Variants in USP15 observed in about 807,000 individuals in gnomAD.
USP15 encodes the protein ubiquitin carboxyl-terminal hydrolase 15.
USP15 carries 18 observed loss-of-function variants against 127.1 expected under a neutral mutation model. The ratio of observed to expected loss-of-function variants is 0.14; its 90% CI spans 0.10 to 0.21. The LOEUF is 0.21. USP15 is among the 10% of genes least tolerant of loss of function. The pLI, the probability that USP15 is intolerant of heterozygous loss-of-function variation, is 1.00. For synonymous variants in USP15, 364 were observed against 393.7 expected (o/e 0.92, Z 0.89); for missense variants, 805 against 1,159.9 (o/e 0.69, Z 4.44).
At chr12:62,347,523 C>A (rs994471660) in intron 6 of USP15, among the ~76,000 whole-genome samples, 8 of 151,752 alleles carry the variant, frequency 5.3e-5, no homozygotes, top group Non-Finnish European at 1.2e-4. Context: ...AAAAATTAAC[C>A]TCCTTAATTT....
intron 5 of USP15, among the ~76,000 whole-genome samples, chr12:62,321,922 GTTCT>G (rs1349325204): frequency 6.6e-6 from 1 of 152,168 alleles, no homozygotes; most frequent in African/African-American, 2.4e-5. Context: ...TATTTACACA[GTTCT>G]TTATTACAAA....
At position 62,382,197 on chromosome 12, in the gene USP15, C is replaced by T. The variant is rs1273278797; in HGVS notation, c.1089+534C>T. Among the ~76,000 whole-genome samples, 7 of 151,956 alleles carry T rather than the reference C, an allele frequency of 4.6e-5. No individual in the cohort carries two copies. In the East Asian group the frequency reaches 9.7e-4, roughly 21 times the overall value. On this transcript the variant is annotated intron_variant, in intron 9 of 21. Coordinates refer to ENST00000280377, the MANE Select transcript of USP15 (RefSeq NM_001252078.2). ...TAGTTCTTAAACTTTTAAGGTTATT[C>T]ACATGTGTGAATTGTTACTTATCAA...
intron 3 of USP15, among the ~76,000 whole-genome samples, chr12:62,314,426 A>T (rs2064771726): frequency 6.6e-6 from 1 of 151,950 alleles, no homozygotes; most frequent in Non-Finnish European, 1.5e-5. Flanking sequence ...TAAACAGAGA[A>T]CGTACATATA....
At chr12:62,286,174 T>A (rs1335469010) in intron 1 of USP15, among the ~76,000 whole-genome samples, 1 of 151,944 alleles carries the variant, frequency 6.6e-6, no homozygotes, top group African/African-American at 2.4e-5. Flanking sequence ...CTGGACTCTA[T>A]AAGGAACTTA....
chr12:62,307,835 A>C (rs954551547), intron 3 of USP15, among the ~76,000 whole-genome samples: 1 of 152,160 alleles, frequency 6.6e-6, no homozygotes, highest in Non-Finnish European at 1.5e-5. Context: ...TACAATGTAC[A>C]TCATTCACTT....
chr12:62,359,525 C>G (rs1369652798), intron 8 of USP15, among the ~76,000 whole-genome samples: 2 of 151,332 alleles, frequency 1.3e-5, no homozygotes, highest in East Asian at 1.9e-4. Flanking sequence ...TAGAAATTAT[C>G]TCATCTTTTT....
chr12:62,349,575 AAC>A (rs2065910905), intron 7 of USP15, among the ~76,000 whole-genome samples: 1 of 152,070 alleles, frequency 6.6e-6, no homozygotes, highest in Non-Finnish European at 1.5e-5. Context: ...AGTTTGTTAG[AAC>A]ACAACTTTTT....
chr12:62,314,657 AT>A (rs2137251375), intron 3 of USP15, 132 bp from the exon 4 acceptor site: 1 of 835,568 alleles, frequency 1.2e-6, no homozygotes, highest in Admixed American at 3.2e-5. Context: ...TTTTATATAT[AT>A]TGGCAGGCTT....
intron 21 of USP15, among the ~76,000 whole-genome samples, chr12:62,402,097 C>T (rs1354387463): frequency 2.0e-5 from 3 of 151,556 alleles, no homozygotes; most frequent in Non-Finnish European, 4.4e-5. Context: ...AATTGCCCAC[C>T]TCCTCCATCA....
chr12:62,366,282 A>AT (rs1243725926), intron 8 of USP15, among the ~76,000 whole-genome samples: 1 of 152,122 alleles, frequency 6.6e-6, no homozygotes, highest in Non-Finnish European at 1.5e-5. Flanking sequence ...TGTAAGTGGT[A>AT]TTCGTAGGTA....
In USP15 at chr12:62,407,284, A is replaced by T. The variant is rs2067899133; in HGVS notation, c.*2909A>T. The T allele has an allele frequency of 6.6e-6, 1 of 152,220 alleles. No individual in the cohort carries two copies. The highest frequency in any genetic ancestry group is 1.5e-5 in the Non-Finnish European group (1 of 68,038). 9.4% of individuals were successfully genotyped at this position (152,220 alleles called of 1,614,324 possible). A position where few individuals can be genotyped will look rare whatever the true frequency, so the allele number is the denominator to read the frequency against. Reference sequence around the variant, plus strand: ...ATTTAAGTAATATTCCCAAGCTCACACAATTGCTATGGGGTAGAGCCAATA... The same window carrying T: ...ATTTAAGTAATATTCCCAAGCTCACTCAATTGCTATGGGGTAGAGCCAATA... On this transcript the variant is annotated 3_prime_UTR_variant, in exon 22 of 22. Coordinates refer to ENST00000280377, the MANE Select transcript of USP15 (RefSeq NM_001252078.2).
chr12:62,404,131 C>A, intron 21 of USP15, 62 bp from the exon 22 acceptor site: 1 of 1,380,776 alleles, frequency 7.2e-7, no homozygotes, highest in Admixed American at 2.7e-5. Context: ...GCTAAAAATT[C>A]ATAATGTATT....
intron 6 of USP15, chr12:62,335,549 C>CAT: frequency 9.3e-7 from 1 of 1,071,912 alleles, no homozygotes; most frequent in Non-Finnish European, 1.1e-6. Context: ...CTCTCTCCTA[C>CAT]ATATATAAAT....
intron 20 of USP15, among the ~76,000 whole-genome samples, chr12:62,399,533 T>C (rs766741923): frequency 6.6e-6 from 1 of 152,192 alleles, no homozygotes; most frequent in Non-Finnish European, 1.5e-5. Flanking sequence ...GATTGTTTTC[T>C]CATTTCTGCC....
In USP15 at chr12:62,314,866, G is replaced by C. The variant is rs1289293092; in HGVS notation, c.425G>C (p.Gly142Ala). The change falls in exon 4 of 22, where the codon GGA becomes GCA. Residue 142 changes from glycine to alanine, a missense_variant. Around this residue, in one of 11 missense-constraint regions of USP15, gnomAD observed 57 missense variants for 47.3 expected, o/e 1.20. Coordinates refer to ENST00000280377, the MANE Select transcript of USP15 (RefSeq NM_001252078.2). ...YLTELKLCEN[G>A]NMNNVVTRRF... is the part of the protein sequence containing the mutation. The stretch of plus-strand genomic sequence containing the variant: ...ACAGAATTGAAGCTATGTGAAAATG[G>C]AAACATGAATAATGTTGTAACTCGA... 6.3e-7 allele frequency: 1 copy of C among 1,598,538 alleles called. No homozygotes were observed. The highest frequency in any genetic ancestry group is 1.1e-5 in the South Asian group (1 of 88,880).
At chr12:62,363,107 C>CT (rs1191161482) in intron 8 of USP15, among the ~76,000 whole-genome samples, 1 of 152,128 alleles carries the variant, frequency 6.6e-6, no homozygotes, top group African/African-American at 2.4e-5. Flanking sequence ...TACAAAGGCA[C>CT]TAAAGGTTTC....
intron 5 of USP15, among the ~76,000 whole-genome samples, chr12:62,324,574 A>G (rs775723577): frequency 6.6e-6 from 1 of 151,982 alleles, no homozygotes; most frequent in Non-Finnish European, 1.5e-5. Flanking sequence ...AAAATCAGAA[A>G]ATTGAGACAG....
chr12:62,397,089 A>G (rs1231877670), intron 20 of USP15, among the ~76,000 whole-genome samples: 1 of 152,118 alleles, frequency 6.6e-6, no homozygotes, highest in Non-Finnish European at 1.5e-5. Context: ...CAGTATTTAC[A>G]TTCCTTGGAT....
intron 1 of USP15, among the ~76,000 whole-genome samples, chr12:62,287,051 G>A (rs1156240113): frequency 2.0e-5 from 3 of 152,042 alleles, no homozygotes; most frequent in Admixed American, 6.6e-5. Context: ...ATTATTCTAA[G>A]CAAATTAACA....
Sources: gnomAD v4.1 joint callset for allele counts (sites outside exome capture counted in the v4.1 genomes callset) on GRCh38, gnomAD v4.1.1 for gene constraint, gnomAD v4.1.1 regional missense constraint, MANE v1.5 for transcripts, NCBI Gene and HGNC (gene_info 2026-07-23, HGNC 2026-07-21) for gene names.